FAM120C: variants seen among roughly 807,000 people sequenced by gnomAD.
The protein encoded by FAM120C is constitutive coactivator of PPAR-gamma-like protein 2.
In FAM120C, 14 loss-of-function variants were observed where a neutral mutation model predicts 71.2. That is an observed-to-expected ratio of 0.20 (90% CI 0.13 to 0.31). The LOEUF is 0.31. Among genes scored for constraint, FAM120C ranks in the 10% least tolerant of loss-of-function variants. FAM120C has a pLI of 1.00. For missense variants in FAM120C, 500 were observed against 879.0 expected (o/e 0.57, Z 5.45); for synonymous variants, 354 against 353.2 (o/e 1.00, Z -0.03).
At chrX:54,088,246 C>G (rs1219668182) in intron 11 of FAM120C, among the ~76,000 whole-genome samples, 1 of 111,293 alleles carries the variant, frequency 9.0e-6, no homozygotes, top group African/African-American at 3.3e-5. Flanking sequence ...CTCAATGCTG[C>G]TGCTGCTGAT....
At chrX:54,178,303 T>C (rs890850774) in intron 1 of FAM120C, among the ~76,000 whole-genome samples, 5 of 111,910 alleles carry the variant, frequency 4.5e-5, no homozygotes, top group Admixed American at 3.8e-4. Context: ...ACTGGCAGTA[T>C]TGTACATTTA....
chrX:54,178,381 C>G, intron 1 of FAM120C, among the ~76,000 whole-genome samples: 1 of 111,778 alleles, frequency 8.9e-6, no homozygotes, highest in East Asian at 2.8e-4. Context: ...TATTGTCTAG[C>G]CAATAACAGT....
intron 4 of FAM120C, among the ~76,000 whole-genome samples, chrX:54,137,098 G>A (rs1463241096): frequency 2.7e-5 from 3 of 110,459 alleles, no homozygotes; most frequent in Non-Finnish European, 5.7e-5. Flanking sequence ...GATTACAGGT[G>A]TGTGCCACCA....
At chrX:54,105,318 T>C (rs1319414120) in intron 10 of FAM120C, among the ~76,000 whole-genome samples, 1 of 111,603 alleles carries the variant, frequency 9.0e-6, no homozygotes, top group Non-Finnish European at 1.9e-5. Context: ...CACATGATTA[T>C]CTCAATAGAT....
At chrX:54,084,837 G>A (rs1489002935) in intron 13 of FAM120C, among the ~76,000 whole-genome samples, 9 of 111,715 alleles carry the variant, frequency 8.1e-5, no homozygotes, top group Admixed American at 1.9e-4. Flanking sequence ...AAGTGCCACC[G>A]TAATTTATAC....
intron 10 of FAM120C, among the ~76,000 whole-genome samples, chrX:54,108,654 G>C (rs1557125206): frequency 2.7e-5 from 3 of 111,412 alleles, no homozygotes; most frequent in Admixed American, 9.6e-5. Flanking sequence ...ATAATGGCCA[G>C]GCGCGGTGGC....
chrX:54,090,064 G>C (rs1295554664), intron 11 of FAM120C, among the ~76,000 whole-genome samples: 1 of 110,709 alleles, frequency 9.0e-6, no homozygotes, highest in Non-Finnish European at 1.9e-5. Flanking sequence ...CCTCCAAATT[G>C]CATGTTAAAA....
Position 54,085,783 on chromosome X carries a change from A to G in FAM120C, c.2771T>C (p.Val924Ala). 8.3e-7 allele frequency: 1 copy of G among 1,211,655 alleles called. No individual in the cohort carries two copies. Among genetic ancestry groups the G allele is most frequent in the African/African-American group, 1.7e-5 (1 of 57,815 alleles). The change falls in exon 13 of 16, where the codon GTT (valine) becomes GCT (alanine). Residue 924 changes from valine (V) to alanine (A), a missense_variant. Transcript: ENST00000375180. ...VPPMVPSLYP[V>A]SLYSRAMGSM... ...GCCCATAGCTCGGGAATAAAGTGAAACAGGGTAGAGAGAGGGCACCATGGG... is the reference window on the plus strand; with the variant it reads ...GCCCATAGCTCGGGAATAAAGTGAAGCAGGGTAGAGAGAGGGCACCATGGG...
At chrX:54,129,286 G>A (rs1377439450) in intron 9 of FAM120C, among the ~76,000 whole-genome samples, 11 of 104,578 alleles carry the variant, frequency 1.1e-4, no homozygotes, top group African/African-American at 3.2e-4. Context: ...CGGGCGGAGG[G>A]TCTCCTCACT....
chrX:54,168,047 A>G (rs2067269472), intron 1 of FAM120C, among the ~76,000 whole-genome samples: 1 of 111,607 alleles, frequency 9.0e-6, no homozygotes, highest in South Asian at 3.7e-4. Flanking sequence ...TAGGTAGTCT[A>G]AAGAAGTGGC....
chrX:54,139,329 T>TTTTATTTATTTATTTATTTATTTATTTA (rs375711849), intron 4 of FAM120C, among the ~76,000 whole-genome samples: 4 of 88,974 alleles, frequency 4.5e-5, no homozygotes, highest in Non-Finnish European at 6.5e-5. Flanking sequence ...TTTTTTTTGC[T>TTTTATTTATTTATTTATTTATTTATTTA]TTTATTTATT....
intron 1 of FAM120C, among the ~76,000 whole-genome samples, chrX:54,172,891 ATG>A (rs1325991047): frequency 8.9e-6 from 1 of 112,404 alleles, no homozygotes; most frequent in Non-Finnish European, 1.9e-5. Flanking sequence ...ATGTATAGCT[ATG>A]TGGATGGAGT....
chrX:54,165,942 G>A (rs1420364999), intron 1 of FAM120C, among the ~76,000 whole-genome samples: 3 of 109,948 alleles, frequency 2.7e-5, no homozygotes, highest in Non-Finnish European at 5.7e-5. Context: ...CAGTATGAAC[G>A]TATAAATGAC....
chrX:54,171,617 T>A (rs1229074623), intron 1 of FAM120C: 4 of 111,938 alleles, frequency 3.6e-5, no homozygotes, highest in Non-Finnish European at 5.6e-5. Flanking sequence ...ATGTTAGGTC[T>A]TATATTTTTG....
chrX:54,101,809 A>G (rs1557124187), intron 10 of FAM120C, among the ~76,000 whole-genome samples: 1 of 111,492 alleles, frequency 9.0e-6, no homozygotes, highest in East Asian at 2.8e-4. Context: ...TTCGCTGTCC[A>G]TATTTATATC....
At position 54,132,709 on chromosome X, in the gene FAM120C, C is replaced by T. The variant is rs2146609033; in HGVS notation, c.2045G>A (p.Arg682Gln). Residue 682 changes from arginine to glutamine, a missense_variant, in exon 9 of 16, where the codon CGG becomes CAG. By Grantham distance (43) the Arg-to-Gln change is conservative (BLOSUM62 1). Around this residue, in one of 11 missense-constraint regions of FAM120C, gnomAD observed 104 missense variants for 254.5 expected, o/e 0.41. Transcript: ENST00000375180. The stretch of plus-strand genomic sequence containing the variant: ...ACACTTACCTTCCACAGGCAGCCGC[C>T]GTCGCATGGCCAAGCGTTCCATTTT... ...QRKMERLAMR[R>Q]RLPVEVPSVI... The T allele has an allele frequency of 2.5e-6, 3 of 1,204,657 alleles. No homozygotes were observed. In the South Asian group the frequency reaches 5.4e-5, roughly 22 times the overall value.
intron 10 of FAM120C, among the ~76,000 whole-genome samples, chrX:54,107,272 T>A (rs2066911579): frequency 1.8e-5 from 2 of 109,188 alleles, no homozygotes; most frequent in Admixed American, 2.0e-4. Flanking sequence ...AATTTTTGTA[T>A]TTTTACTAGC....
chrX:54,079,260 CA>C (rs1334413922), intron 15 of FAM120C, among the ~76,000 whole-genome samples: 468 of 45,849 alleles, frequency 0.01, 3 homozygotes, highest in Middle Eastern at 0.034. Flanking sequence ...AGACTCATCT[CA>C]AAAAAAAAAA....
At chrX:54,118,476 G>A (rs1557127029) in intron 9 of FAM120C, among the ~76,000 whole-genome samples, 1 of 109,603 alleles carries the variant, frequency 9.1e-6, no homozygotes, top group Admixed American at 9.9e-5. Context: ...GCCCAAGAGT[G>A]TAAGTGCTGG....
Sources: gnomAD v4.1 joint callset for allele counts (sites outside exome capture counted in the v4.1 genomes callset) on GRCh38, gnomAD v4.1.1 for gene constraint, gnomAD v4.1.1 regional missense constraint, MANE v1.5 for transcripts, NCBI Gene and HGNC (gene_info 2026-07-23, HGNC 2026-07-21) for gene names.